TMEM117: variants seen among roughly 807,000 people sequenced by gnomAD.
TMEM117 encodes transmembrane protein 117.
TMEM117 carries 27 observed loss-of-function variants against 52.4 expected under a neutral mutation model. That is an observed-to-expected ratio of 0.51 (90% CI 0.38 to 0.71). The LOEUF (loss-of-function observed/expected upper bound fraction) is 0.71, where lower values mean the gene tolerates loss of function less well. Among genes scored for constraint, TMEM117 ranks in the 30% least tolerant of loss-of-function variants. The pLI, the probability that TMEM117 is intolerant of heterozygous loss-of-function variation, is 0.00. For synonymous variants in TMEM117, 215 were observed against 206.3 expected (o/e 1.04, Z -0.36); for missense variants, 556 against 630.5 (o/e 0.88, Z 1.26).
At chr12:43,868,512 A>G (rs1476869462) in intron 2 of TMEM117, among the ~76,000 whole-genome samples, 1 of 151,866 alleles carries the variant, frequency 6.6e-6, no homozygotes, top group Admixed American at 6.6e-5. Context: ...AGATGGTGCC[A>G]CTGCACTCCA....
chr12:44,388,515 A>G lies in TMEM117; in HGVS notation c.1388A>G (p.Asp463Gly). The G allele has an allele frequency of 1.2e-6, 2 of 1,613,544 alleles. No individual in the cohort carries two copies. Among genetic ancestry groups the G allele is most frequent in the Non-Finnish European group, 1.7e-6 (2 of 1,179,644 alleles). The change falls in exon 8 of 8, where the codon GAC becomes GGC. Residue 463 changes from aspartate to glycine, a missense_variant. Physicochemically the swap from Asp to Gly is moderately conservative, Grantham distance 94. Coordinates refer to ENST00000266534, the MANE Select transcript of TMEM117 (RefSeq NM_032256.3). ...TQASVEDPLN[D>G]PSLVCIRSDF... ...GCTTCAGTAGAAGACCCCTTGAATG[A>G]CCCTTCTTTGGTTTGCATCAGGTCT...
At chr12:43,869,295 A>G (rs1943664329) in intron 2 of TMEM117, among the ~76,000 whole-genome samples, 1 of 152,098 alleles carries the variant, frequency 6.6e-6, no homozygotes, top group Non-Finnish European at 1.5e-5. Flanking sequence ...AGCAAAAGGG[A>G]GAGTCAAGGC....
chr12:44,123,682 G>A (rs550657973), intron 3 of TMEM117, among the ~76,000 whole-genome samples: 13 of 152,172 alleles, frequency 8.5e-5, no homozygotes, highest in South Asian at 6.2e-4. Context: ...GCTTGTTTTC[G>A]TCAGGTTTGT....
rs146442450 is a variant in TMEM117, at chr12:43,983,095, G to A, written c.410+38753G>A. 1.4e-3 allele frequency among the ~76,000 whole-genome samples: 220 copies of A among 152,276 alleles called. 5 individuals carry two copies. The East Asian group carries it at 0.037, about 26-fold the overall frequency. ...GGGCCAGCAATTCAGGCTGGGCTTA[G>A]CTGGATATTCTTTTGCCCATCTCAA... is the stretch of plus-strand genomic sequence containing the variant. On this transcript the variant is annotated intron_variant, in intron 3 of 7. Transcript: ENST00000266534.
the TMEM117 span, among the ~76,000 whole-genome samples, chr12:43,801,304 A>C: frequency 1.3e-5 from 2 of 152,224 alleles, no homozygotes; most frequent in Admixed American, 1.3e-4. Context: ...ACTAGTATCT[A>C]TGGAAAGCTA....
intron 3 of TMEM117, among the ~76,000 whole-genome samples, chr12:44,033,883 G>A (rs10880618): frequency 0.31 from 46,728 of 152,118 alleles, 11,387 homozygotes; most frequent in African/African-American, 0.68. Flanking sequence ...CAGCTTAAAG[G>A]TGCTGGTGAT....
At chr12:44,321,088 G>C (rs1342443650) in intron 6 of TMEM117, among the ~76,000 whole-genome samples, 1 of 152,158 alleles carries the variant, frequency 6.6e-6, no homozygotes, top group East Asian at 1.9e-4. Flanking sequence ...TTTTCTATGT[G>C]ATAATTGTAT....
intron 6 of TMEM117, among the ~76,000 whole-genome samples, chr12:44,348,708 TTAGAC>T (rs1252637976): frequency 2.0e-5 from 3 of 151,928 alleles, no homozygotes; most frequent in Non-Finnish European, 2.9e-5. Flanking sequence ...GGTTTTGTCT[TTAGAC>T]TAAGAAAAGG....
At chr12:43,948,348 C>T (rs899460319) in intron 3 of TMEM117, among the ~76,000 whole-genome samples, 8 of 151,928 alleles carry the variant, frequency 5.3e-5, no homozygotes, top group African/African-American at 1.7e-4. Flanking sequence ...CTCTGTCGCC[C>T]AGGCTGGAGT....
At chr12:43,967,085 T>C (rs747244318) in intron 3 of TMEM117, among the ~76,000 whole-genome samples, 19 of 152,228 alleles carry the variant, frequency 1.2e-4, no homozygotes, top group Non-Finnish European at 2.6e-4. Context: ...GGATCCTGCT[T>C]CTAATGAATA....
At chr12:44,076,978 A>G (rs1006030113) in intron 3 of TMEM117, among the ~76,000 whole-genome samples, 12 of 152,190 alleles carry the variant, frequency 7.9e-5, no homozygotes, top group Non-Finnish European at 1.2e-4. Flanking sequence ...GCCAGGGAGA[A>G]GAAATATGCC....
chr12:44,200,047 A>C (rs1949473832), intron 4 of TMEM117, among the ~76,000 whole-genome samples: 1 of 152,146 alleles, frequency 6.6e-6, no homozygotes, highest in Admixed American at 6.6e-5. Flanking sequence ...TGAACCCTGG[A>C]GATGGAGGTT....
chr12:44,117,812 C>G (rs993877415), intron 3 of TMEM117, among the ~76,000 whole-genome samples: 1 of 152,020 alleles, frequency 6.6e-6, no homozygotes, highest in African/African-American at 2.4e-5. Flanking sequence ...TTATTTGACT[C>G]TCCTTTAAGT....
chr12:43,818,687 A>G, the TMEM117 span, among the ~76,000 whole-genome samples: 1 of 151,814 alleles, frequency 6.6e-6, no homozygotes, highest in Non-Finnish European at 1.5e-5. Context: ...TCGTGATCCG[A>G]CCGCCTTGGC....
chr12:43,938,081 A>G (rs922817984), intron 2 of TMEM117, among the ~76,000 whole-genome samples: 1 of 151,882 alleles, frequency 6.6e-6, no homozygotes, highest in East Asian at 1.9e-4. Context: ...ATTTTTTATT[A>G]GGCAATGTGC....
chr12:44,364,346 C>T (rs996706249), intron 6 of TMEM117, among the ~76,000 whole-genome samples: 3 of 151,798 alleles, frequency 2.0e-5, no homozygotes, highest in African/African-American at 7.3e-5. Context: ...TAATTTTTAC[C>T]ACCTTCAGAA....
chr12:44,307,912 A>G (rs1167416418), intron 6 of TMEM117, among the ~76,000 whole-genome samples: 2 of 152,254 alleles, frequency 1.3e-5, no homozygotes, highest in Non-Finnish European at 2.9e-5. Context: ...GGATTCAATC[A>G]TGGGTACTGG....
intron 5 of TMEM117, among the ~76,000 whole-genome samples, chr12:44,291,523 C>T (rs542652981): frequency 5.9e-5 from 9 of 151,828 alleles, no homozygotes; most frequent in African/African-American, 2.2e-4. Flanking sequence ...GCTAGACTTT[C>T]AGTACCATGT....
rs145445259 is a variant in TMEM117 at position 43,974,061 on chromosome 12, G to A, written c.410+29719G>A. ...CTCTAGTCATCAGACCATAGAAAGA[G>A]GGCTTGATTAAATTGAATCAAGTAA... is the stretch of plus-strand genomic sequence containing the variant. On this transcript the variant is annotated intron_variant, in intron 3 of 7. Transcript: ENST00000266534. 7.0e-3 allele frequency among the ~76,000 whole-genome samples: 1,063 copies of A among 152,280 alleles called. 9 individuals are homozygous for A. The highest frequency in any genetic ancestry group is 0.012 in the South Asian group (59 of 4,828).
Sources: gnomAD v4.1 joint callset for allele counts (sites outside exome capture counted in the v4.1 genomes callset) on GRCh38, gnomAD v4.1.1 for gene constraint, MANE v1.5 for transcripts, NCBI Gene and HGNC (gene_info 2026-07-23, HGNC 2026-07-21) for gene names.